Variants in DAGLB observed in about 807,000 individuals in gnomAD.
DAGLB encodes diacylglycerol lipase beta.
DAGLB carries 66 observed loss-of-function variants against 72.1 expected under a neutral mutation model. That is an observed-to-expected ratio of 0.92 (90% CI 0.75 to 1.12). The LOEUF (loss-of-function observed/expected upper bound fraction) is 1.12. Among genes scored for constraint, DAGLB ranks in the 50% most tolerant of loss-of-function variants. The pLI is 0.00. For missense variants in DAGLB, 1,065 were observed against 884.9 expected, an observed-to-expected ratio of 1.20 and a Z score of -2.58; for synonymous variants, 414 against 359.5, an observed-to-expected ratio of 1.15 and a Z score of -1.71.
chr7:6,444,721 T>A (rs993946669), intron 2 of DAGLB, among the ~76,000 whole-genome samples: 2 of 152,094 alleles, frequency 1.3e-5, no homozygotes, highest in African/African-American at 4.8e-5. Context: ...GAAAGGATGC[T>A]CAACATCATT....
Position 6,446,109 on chromosome 7 carries a change from C to CAAAAA in DAGLB, c.96-10_96-6dup. ...AACGTCAGAATGCCAATCCACCTGGCAAAAAAAAAAAAGGGAAGGGTCAGA... is the reference window on the plus strand; with the variant it reads ...AACGTCAGAATGCCAATCCACCTGGCAAAAAAAAAAAAAAAAAGGGAAGGGTCAGA... On this transcript the variant is annotated splice_polypyrimidine_tract_variant and splice_region_variant and intron_variant, in intron 1 of 14. Transcript: ENST00000297056. 1.6e-6 allele frequency: 2 copies of CAAAAA among 1,267,062 alleles called. No individual in the cohort carries two copies. The highest frequency in any genetic ancestry group is 1.4e-5 in the South Asian group (1 of 69,262). 78.5% of individuals were successfully genotyped at this position (1,267,062 alleles called of 1,614,324 possible). A position where few individuals can be genotyped will look rare whatever the true frequency, so the allele number is the denominator to read the frequency against.
intron 8 of DAGLB, among the ~76,000 whole-genome samples, chr7:6,424,005 G>C (rs1283582599): frequency 6.6e-6 from 1 of 152,164 alleles, no homozygotes; most frequent in East Asian, 1.9e-4. Context: ...TCCTGAAGAT[G>C]CAAGTTTGGG....
intron 6 of DAGLB, among the ~76,000 whole-genome samples, chr7:6,428,075 G>A (rs1003804699): frequency 5.3e-5 from 8 of 152,010 alleles, no homozygotes; most frequent in Admixed American, 3.3e-4. Flanking sequence ...GGCCAGGTGC[G>A]GTGGCTCATG....
chr7:6,430,007 G>C (rs963515941), intron 6 of DAGLB, among the ~76,000 whole-genome samples: 1 of 151,396 alleles, frequency 6.6e-6, no homozygotes, highest in African/African-American at 2.4e-5. Flanking sequence ...TTGTGCCACT[G>C]CACTCCAGCC....
chr7:6,439,106 T>C (rs1284646419), intron 2 of DAGLB, among the ~76,000 whole-genome samples: 1 of 151,724 alleles, frequency 6.6e-6, no homozygotes, highest in Admixed American at 6.6e-5. Flanking sequence ...ATATAAAAAA[T>C]TAGCCAGGCA....
chr7:6,424,936 G>A (rs552580482), intron 7 of DAGLB, 101 bp from the exon 8 acceptor site: 5 of 1,174,258 alleles, frequency 4.3e-6, no homozygotes, highest in South Asian at 1.3e-5. Context: ...CCCAAGTCCT[G>A]CGGCACAGAG....
At chr7:6,432,283 T>C (rs2115276581) in intron 5 of DAGLB, among the ~76,000 whole-genome samples, 1 of 146,404 alleles carries the variant, frequency 6.8e-6, no homozygotes, top group East Asian at 2.1e-4. Flanking sequence ...GAGGTGGAAG[T>C]TGTGGTGAGC....
At chr7:6,411,116 C>A (rs1025771302) in intron 13 of DAGLB, among the ~76,000 whole-genome samples, 19 of 152,076 alleles carry the variant, frequency 1.2e-4, no homozygotes, top group African/African-American at 4.6e-4. Flanking sequence ...TCGTGATCCA[C>A]CCGCCTTGGC....
In DAGLB at chr7:6,410,344, A is replaced by G; in HGVS notation, c.1606T>C (p.Phe536Leu). Residue 536 changes from phenylalanine to leucine, a missense_variant, in exon 14 of 15, where the codon TTT (phenylalanine) becomes CTT (leucine). Transcript: ENST00000297056. The stretch of plus-strand genomic sequence containing the variant: ...GGCAAGTTGTTGGGGTTTCCTCCAA[A>G]CAGTTCGTACCACAAACCGTGCAGC... ...ILLHGLWYELFGGNPNNLPTE... is the reference protein window; with the variant it reads ...ILLHGLWYELLGGNPNNLPTE... 1 of 1,613,916 alleles carries G rather than the reference A, an allele frequency of 6.2e-7. No individual in the cohort carries two copies. The highest frequency in any genetic ancestry group is 8.5e-7 in the Non-Finnish European group (1 of 1,179,908).
chr7:6,416,400 C>A, intron 11 of DAGLB: 2 of 454,116 alleles, frequency 4.4e-6, no homozygotes, highest in African/African-American at 2.0e-5. Flanking sequence ...AAAAATTAGC[C>A]GGCATGCTGG....
intron 7 of DAGLB, among the ~76,000 whole-genome samples, chr7:6,425,200 C>T (rs1278044224): frequency 3.9e-5 from 6 of 152,222 alleles, no homozygotes; most frequent in African/African-American, 7.2e-5. Flanking sequence ...GCAGGCCTCC[C>T]GCTGCGGTGC....
chr7:6,419,107 G>A (rs1437790305), intron 9 of DAGLB, among the ~76,000 whole-genome samples: 13 of 134,028 alleles, frequency 9.7e-5, no homozygotes, highest in Admixed American at 1.6e-4. Context: ...TTTTTGAGAC[G>A]GAGTCTCAGG....
rs548532429 is a variant in DAGLB at position 6,411,000 on chromosome 7, T to TCAGCCAC, written c.1570-627_1570-621dup. ...CCCGGGTTCACGCCATTCTCCTGCCTCAGCCACCAGAGTAGCTGGGACTAC... is the reference window on the plus strand; with the variant it reads ...CCCGGGTTCACGCCATTCTCCTGCCTCAGCCACCAGCCACCAGAGTAGCTGGGACTAC... On this transcript the variant is annotated intron_variant, in intron 13 of 14. Coordinates refer to ENST00000297056, the MANE Select transcript of DAGLB (RefSeq NM_139179.4). Among the ~76,000 whole-genome samples the TCAGCCAC allele has an allele frequency of 4.3e-4, 64 of 148,488 alleles. No homozygotes were observed. The South Asian group carries it at 0.01, about 24-fold the overall frequency.
intron 9 of DAGLB, chr7:6,417,839 C>T (rs1672275925): frequency 6.6e-6 from 1 of 152,082 alleles, no homozygotes; most frequent in Non-Finnish European, 1.5e-5. Context: ...GCTTTAACTT[C>T]AAAAAGTAAA....
In DAGLB at chr7:6,419,879, C is replaced by T. The variant is rs144348986; in HGVS notation, c.1218+1848G>A. 3.3e-3 allele frequency among the ~76,000 whole-genome samples: 497 copies of T among 152,302 alleles called. 3 individuals are homozygous for T. Among genetic ancestry groups the T allele is most frequent in the African/African-American group, 0.011 (472 of 41,572 alleles). On this transcript the variant is annotated intron_variant, in intron 9 of 14. Coordinates refer to ENST00000297056, the MANE Select transcript of DAGLB (RefSeq NM_139179.4). Reference sequence around the variant, plus strand: ...GCAAAGGGCCAGGCGTGGTGGCTCACGCCTGCAATCCCAGCACTTTGGGAG... The same window carrying T: ...GCAAAGGGCCAGGCGTGGTGGCTCATGCCTGCAATCCCAGCACTTTGGGAG...
Position 6,435,123 on chromosome 7 carries a change from G to A in DAGLB, c.420-103C>T, listed in dbSNP as rs577963908. The stretch of plus-strand genomic sequence containing the variant: ...GGTTCAGTTTCTGAGTCTCTACCAC[G>A]GAGGGTTCTGTTACCGAGGAAGATG... On this transcript the variant is annotated intron_variant, in intron 3 of 14. Transcript: ENST00000297056. 5.4e-5 allele frequency: 81 copies of A among 1,502,182 alleles called. No individual in the cohort carries two copies. In the African/African-American group the frequency reaches 7.0e-4, roughly 13 times the overall value. The allele number at this position is 1,502,182 out of a possible 1,614,324, so 93.1% of individuals were successfully genotyped here.
chr7:6,415,165 A>T (rs1005701758), intron 11 of DAGLB, among the ~76,000 whole-genome samples: 26 of 129,394 alleles, frequency 2.0e-4, no homozygotes, highest in African/African-American at 7.1e-4. Flanking sequence ...TGTGTCAATT[A>T]AAAAAAAAAA....
At chr7:6,430,784 A>ATT (rs780854000) in intron 5 of DAGLB, among the ~76,000 whole-genome samples, 177 bp from the exon 6 acceptor site, 2 of 141,370 alleles carry the variant, frequency 1.4e-5, no homozygotes, top group Admixed American at 7.1e-5. Flanking sequence ...TGGACTCCTC[A>ATT]TTTTTTTTTT....
At chr7:6,439,889 T>G (rs1201638390) in intron 2 of DAGLB, among the ~76,000 whole-genome samples, 4 of 151,428 alleles carry the variant, frequency 2.6e-5, no homozygotes, top group Admixed American at 1.3e-4. Context: ...CCATCTCTAC[T>G]AAAAATACAA....
Sources: allele counts gnomAD v4.1 joint callset (sites outside exome capture counted in the v4.1 genomes callset), GRCh38; gene constraint gnomAD v4.1.1; transcripts MANE v1.5; gene names NCBI Gene and HGNC (gene_info 2026-07-23, HGNC 2026-07-21).